PKHD1L1: variants seen among roughly 807,000 people sequenced by gnomAD.
The protein encoded by PKHD1L1 is PKHD1 like 1.
A neutral mutation model predicts 462.9 loss-of-function variants in PKHD1L1; 434 were observed. The ratio of observed to expected loss-of-function variants is 0.94; its 90% CI spans 0.87 to 1.02. PKHD1L1 has a LOEUF of 1.02. Among genes scored for constraint, PKHD1L1 ranks in the 50% least tolerant of loss-of-function variants. The pLI is 0.00. For missense variants in PKHD1L1, 5,202 were observed against 5,096.1 expected, an observed-to-expected ratio of 1.02 and a Z score of -0.63; for synonymous variants, 1,781 against 1,750.0, an observed-to-expected ratio of 1.02 and a Z score of -0.44.
chr8:109,409,982 T>A lies in PKHD1L1; in HGVS notation c.2085+4T>A. The A allele has an allele frequency of 6.8e-7, 1 of 1,470,128 alleles. No individual in the cohort carries two copies. Among genetic ancestry groups the A allele is most frequent in the Non-Finnish European group, 9.3e-7 (1 of 1,072,718 alleles). The allele number at this position is 1,470,128 out of a possible 1,614,324, so 91.1% of individuals were successfully genotyped here. ...CTATGAAACTGATTTTAATCTGGTA[T>A]GAAATATTTAATGAACTGTGAAACT... On this transcript the variant is annotated splice_donor_region_variant and intron_variant, in intron 19 of 77. Coordinates refer to ENST00000378402, the MANE Select transcript of PKHD1L1 (RefSeq NM_177531.6).
chr8:109,455,913 T>C (rs1334655287), intron 45 of PKHD1L1, among the ~76,000 whole-genome samples: 1 of 152,146 alleles, frequency 6.6e-6, no homozygotes, highest in Admixed American at 6.6e-5. Flanking sequence ...GTTTAAGAAA[T>C]TCCTACCAAT....
chr8:109,396,029 G>T lies in PKHD1L1; in HGVS notation c.814G>T (p.Val272Phe), dbSNP rs751291729. 3 of 1,589,454 alleles carry T rather than the reference G, an allele frequency of 1.9e-6. No homozygotes were observed. In the Admixed American group the frequency reaches 5.2e-5, roughly 28 times the overall value. Residue 272 changes from valine (V) to phenylalanine (F), a missense_variant and splice_region_variant, in exon 11 of 78, where the codon GTC becomes TTC. Coordinates refer to ENST00000378402, the MANE Select transcript of PKHD1L1 (RefSeq NM_177531.6). Reference protein sequence around the residue: ...KIAMFQTYAEVTMIFPSQGSI... With the variant: ...KIAMFQTYAEFTMIFPSQGSI... ...TATTTAATGTGGTTTTCCCCCAGAG[G>T]TCACCATGATTTTCCCTTCACAAGG...
chr8:109,508,308 C>T (rs777838149), intron 70 of PKHD1L1, 44 bp downstream of exon 70: 34 of 1,526,042 alleles, frequency 2.2e-5, no homozygotes, highest in Non-Finnish European at 2.8e-5. Flanking sequence ...CAAAACATTG[C>T]TTGTTATTAA....
intron 2 of PKHD1L1, among the ~76,000 whole-genome samples, chr8:109,375,652 A>G (rs992892240): frequency 6.6e-6 from 1 of 151,878 alleles, no homozygotes; most frequent in African/African-American, 2.4e-5. Flanking sequence ...TTGGTCTTTG[A>G]TGATGGTGAC....
At chr8:109,439,115 G>A in intron 32 of PKHD1L1, 23 bp downstream of exon 32, 1 of 1,599,202 alleles carries the variant, frequency 6.3e-7, no homozygotes, top group East Asian at 2.2e-5. Context: ...ACATAAACTT[G>A]ATGGAGTTGT....
chr8:109,417,532 G>A (rs575545456), intron 21 of PKHD1L1, among the ~76,000 whole-genome samples: 3 of 143,356 alleles, frequency 2.1e-5, no homozygotes, highest in Admixed American at 1.4e-4. Flanking sequence ...AAATTTATCC[G>A]CTTCTAACAG....
chr8:109,386,850 A>G (rs1812468235), intron 6 of PKHD1L1, among the ~76,000 whole-genome samples: 2 of 152,134 alleles, frequency 1.3e-5, no homozygotes, highest in South Asian at 4.1e-4. Flanking sequence ...TCCCCCACTG[A>G]AACTGGAATT....
At chr8:109,472,254 A>T (rs1228394522) in intron 50 of PKHD1L1, among the ~76,000 whole-genome samples, 34 of 150,786 alleles carry the variant, frequency 2.3e-4, no homozygotes, top group Admixed American at 2.1e-3. Context: ...AGTTAAACAT[A>T]AAAAAAATAA....
intron 24 of PKHD1L1, among the ~76,000 whole-genome samples, chr8:109,426,368 C>T (rs1363041018): frequency 6.6e-6 from 1 of 151,560 alleles, no homozygotes; most frequent in Non-Finnish European, 1.5e-5. Flanking sequence ...ATGAAAATAT[C>T]GACTGATATT....
At chr8:109,434,410 T>C (rs760060671) in intron 28 of PKHD1L1, among the ~76,000 whole-genome samples, 11 of 152,038 alleles carry the variant, frequency 7.2e-5, no homozygotes, top group Non-Finnish European at 1.5e-4. Flanking sequence ...AATGTTTTCA[T>C]TTACTTTTTT....
intron 2 of PKHD1L1, among the ~76,000 whole-genome samples, chr8:109,378,330 G>T (rs944651468): frequency 6.6e-6 from 1 of 152,040 alleles, no homozygotes; most frequent in African/African-American, 2.4e-5. Flanking sequence ...GTCACTCCTC[G>T]TTTGAAAGCC....
At chr8:109,500,562 T>C (rs1475973894) in intron 67 of PKHD1L1, among the ~76,000 whole-genome samples, 1 of 143,940 alleles carries the variant, frequency 6.9e-6, no homozygotes, top group Non-Finnish European at 1.5e-5. Flanking sequence ...TAATCCCAGC[T>C]ACTTGTAAGG....
Position 109,492,004 on chromosome 8 carries a change from A to C in PKHD1L1, c.10236+10A>C, listed in dbSNP as rs1818854297. The C allele has an allele frequency of 6.7e-7, 1 of 1,490,538 alleles. No individual in the cohort carries two copies. Among genetic ancestry groups the C allele is most frequent in the African/African-American group, 1.4e-5 (1 of 70,992 alleles). 92.3% of individuals were successfully genotyped at this position (1,490,538 alleles called of 1,614,324 possible). A position where few individuals can be genotyped will look rare whatever the true frequency, so the allele number is the denominator to read the frequency against. On this transcript the variant is annotated intron_variant, in intron 62 of 77. Coordinates refer to ENST00000378402, the MANE Select transcript of PKHD1L1 (RefSeq NM_177531.6). Reference sequence around the variant, plus strand: ...GCATGCAGCAATTGAGGTAGTGAAAACAAACTTATAATTATACTAATTTAT... The same window carrying C: ...GCATGCAGCAATTGAGGTAGTGAAACCAAACTTATAATTATACTAATTTAT...
intron 31 of PKHD1L1, among the ~76,000 whole-genome samples, chr8:109,438,659 T>G (rs956073340): frequency 6.8e-6 from 1 of 147,728 alleles, no homozygotes; most frequent in African/African-American, 2.5e-5. Context: ...AAATAGTAAG[T>G]TTTTTTTTTT....
At chr8:109,419,379 C>G (rs562492510) in intron 22 of PKHD1L1, 119 bp downstream of exon 22, 1 of 677,442 alleles carries the variant, frequency 1.5e-6, no homozygotes, top group African/African-American at 1.8e-5. Context: ...TAATGAGTCA[C>G]TCTTTTATCT....
Position 109,459,777 on chromosome 8 carries a change from G to T in PKHD1L1, c.7187G>T (p.Gly2396Val), listed in dbSNP as rs1172969212. The T allele has an allele frequency of 3.7e-6, 6 of 1,611,384 alleles. No individual in the cohort carries two copies. The highest frequency in any genetic ancestry group is 5.1e-6 in the Non-Finnish European group (6 of 1,178,536). Residue 2396 changes from glycine to valine, a missense_variant, in exon 47 of 78, where the codon GGA (glycine) becomes GTA (valine). Physicochemically the swap from Gly to Val is moderately radical, Grantham distance 109. Around this residue, in one of 3 missense-constraint regions of PKHD1L1, gnomAD observed 4,497 missense variants for 4,336.8 expected, o/e 1.04. Coordinates refer to ENST00000378402, the MANE Select transcript of PKHD1L1 (RefSeq NM_177531.6). ...CTTACAAGAAATATTTTAATAAGAGGATCTGATAATGTTGAGTGGAATAAC... is the reference window on the plus strand; with the variant it reads ...CTTACAAGAAATATTTTAATAAGAGTATCTGATAATGTTGAGTGGAATAAC... ...GILTRNILIR[G>V]SDNVEWNNKI...
rs181396901 is a variant in PKHD1L1, at chr8:109,406,603, G to T, written c.1813+125G>T. The T allele has an allele frequency of 2.7e-3, 3,053 of 1,133,394 alleles. 161 individuals are homozygous for T. In the Admixed American group the frequency reaches 0.091, roughly 34 times the overall value. 70.2% of individuals were successfully genotyped at this position (1,133,394 alleles called of 1,614,324 possible). A position where few individuals can be genotyped will look rare whatever the true frequency, so the allele number is the denominator to read the frequency against. On this transcript the variant is annotated intron_variant, in intron 17 of 77. Transcript: ENST00000378402. ...TCTTAGGAGAAGCAGAAATTAAATG[G>T]TTTTTTCTACGGTAATTTAAATTTT...
intron 25 of PKHD1L1, among the ~76,000 whole-genome samples, chr8:109,428,169 C>A (rs979493249): frequency 2.6e-5 from 4 of 151,886 alleles, no homozygotes; most frequent in Non-Finnish European, 5.9e-5. Context: ...AATACAGAGA[C>A]CTTATGATTC....
intron 14 of PKHD1L1, among the ~76,000 whole-genome samples, chr8:109,402,208 G>A (rs1813307478): frequency 6.6e-6 from 1 of 152,188 alleles, no homozygotes; most frequent in Non-Finnish European, 1.5e-5. Context: ...AATGGAGAAG[G>A]TGGTGGAATG....
Sources: allele counts gnomAD v4.1 joint callset (sites outside exome capture counted in the v4.1 genomes callset), GRCh38; gene constraint gnomAD v4.1.1; regional missense constraint gnomAD v4.1.1; transcripts MANE v1.5; gene names NCBI Gene and HGNC (gene_info 2026-07-23, HGNC 2026-07-21).